Variants in POLN observed in about 807,000 individuals in gnomAD.
POLN encodes DNA polymerase N.
In POLN, 108 loss-of-function variants were observed where a neutral mutation model predicts 113.5. The ratio of observed to expected loss-of-function variants is 0.95; its 90% confidence interval spans 0.81 to 1.12. The LOEUF is 1.12. POLN is among the 50% of genes most tolerant of loss of function. POLN has a pLI of 0.00. For missense variants in POLN, 1,097 were observed against 1,077.1 expected (o/e 1.02, Z -0.26); for synonymous variants, 386 against 391.5 (o/e 0.99, Z 0.17).
intron 19 of POLN, among the ~76,000 whole-genome samples, chr4:2,113,917 T>G (rs1030214448): frequency 6.7e-6 from 1 of 149,558 alleles, no homozygotes; most frequent in Non-Finnish European, 1.5e-5. Context: ...CTTTTTTTTT[T>G]GACACAGATT....
intron 3 of POLN, among the ~76,000 whole-genome samples, chr4:2,221,213 C>T (rs1437737970): frequency 6.6e-6 from 1 of 152,156 alleles, no homozygotes; most frequent in Non-Finnish European, 1.5e-5. Flanking sequence ...TCTCAGCTCC[C>T]TGCAACCTCC....
intron 7 of POLN, among the ~76,000 whole-genome samples, chr4:2,179,871 C>T (rs934446482): frequency 6.6e-6 from 1 of 152,250 alleles, no homozygotes; most frequent in Non-Finnish European, 1.5e-5. Flanking sequence ...TGCCCTCCTC[C>T]AGCCTGTCAC....
chr4:2,088,783 T>A (rs545574011), intron 20 of POLN: 2 of 1,334,118 alleles, frequency 1.5e-6, no homozygotes, highest in Non-Finnish European at 2.1e-6. Context: ...TGAAGTCAAA[T>A]GGTATTATCG....
intron 7 of POLN, among the ~76,000 whole-genome samples, chr4:2,182,593 A>C (rs1002185150): frequency 3.3e-5 from 5 of 152,308 alleles, no homozygotes; most frequent in East Asian, 1.9e-4. Context: ...TTAAGCACTT[A>C]GTTTATGGTA....
chr4:2,159,920 G>A (rs1419371502), intron 13 of POLN, among the ~76,000 whole-genome samples: 1 of 152,062 alleles, frequency 6.6e-6, no homozygotes, highest in East Asian at 1.9e-4. Flanking sequence ...TCCACCTTAG[G>A]GCTATTATGA....
At chr4:2,147,374 G>A (rs745652534) in intron 16 of POLN, among the ~76,000 whole-genome samples, 5 of 152,170 alleles carry the variant, frequency 3.3e-5, no homozygotes, top group South Asian at 2.1e-4. Context: ...GGAGGCCTTC[G>A]TAAAAAATGA....
chr4:2,239,023 C>T, intron 2 of POLN: 1 of 1,533,516 alleles, frequency 6.5e-7, no homozygotes, highest in Non-Finnish European at 8.7e-7. Flanking sequence ...TTTTAGCATC[C>T]AAATTTTCTT....
At chr4:2,115,260 GT>G (rs1004262841) in intron 19 of POLN, among the ~76,000 whole-genome samples, 2 of 149,224 alleles carry the variant, frequency 1.3e-5, no homozygotes, top group African/African-American at 4.9e-5. Context: ...TAGAGATGGG[GT>G]TTCACCATGT....
chr4:2,241,874 C>T (rs1735002382), intron 1 of POLN, 84 bp from the exon 2 acceptor site: 3 of 985,534 alleles, frequency 3.0e-6, no homozygotes, highest in Non-Finnish European at 3.6e-6. Flanking sequence ...CGCACAGCCC[C>T]CGCCCCAGCT....
chr4:2,198,835 A>G (rs1733644424), intron 5 of POLN, 118 bp from the exon 6 acceptor site: 1 of 1,012,172 alleles, frequency 9.9e-7, no homozygotes, highest in African/African-American at 1.6e-5. Flanking sequence ...TTGTAAATGA[A>G]TAGTTTTTTA....
At chr4:2,089,715 A>G in intron 20 of POLN, 1 of 673,422 alleles carries the variant, frequency 1.5e-6, no homozygotes, top group Non-Finnish European at 2.5e-6. Context: ...TACTTTGAAT[A>G]TATGAAGAAT....
chr4:2,079,499 T>C lies in POLN; in HGVS notation c.2387+1459A>G, dbSNP rs528108864. On this transcript the variant is annotated intron_variant, in intron 23 of 25. Coordinates refer to ENST00000511885, the MANE Select transcript of POLN (RefSeq NM_181808.4). ...ATGGGTGAACACGTGTATGGGTGCA[T>C]GTGCTTGTGTGTGCGTGTGTGTGCA... The C allele has an allele frequency of 2.1e-5, 21 of 985,686 alleles. No homozygotes were observed. The African/African-American group carries it at 3.3e-4, about 16-fold the overall frequency. The allele number at this position is 985,686 out of a possible 1,614,324, so 61.1% of individuals were successfully genotyped here. A position where few individuals can be genotyped will look rare whatever the true frequency, so the allele number is the denominator to read the frequency against.
At chr4:2,198,921 A>C (rs186089619) in intron 5 of POLN, among the ~76,000 whole-genome samples, 8 of 152,224 alleles carry the variant, frequency 5.3e-5, no homozygotes, top group Non-Finnish European at 1.5e-5. Context: ...CAACATCATA[A>C]TGGAAGTCTC....
In POLN at chr4:2,126,564, G is replaced by C. The variant is rs745896950; in HGVS notation, c.1982+1549C>G. On this transcript the variant is annotated intron_variant, in intron 19 of 25. Transcript: ENST00000511885. This position sits in a 1 kb window ranked among gnomAD's most constrained non-coding sequence, Gnocchi z 4.6. ...GTGCATCGGACCAGAGAGGAGCAGA[G>C]ACCAGAGAGGAGCGGAGACCAGAGA... is the stretch of plus-strand genomic sequence containing the variant. Among the ~76,000 whole-genome samples, 4 of 152,168 alleles carry C rather than the reference G, an allele frequency of 2.6e-5. No homozygotes were observed. The highest frequency in any genetic ancestry group is 5.9e-5 in the Non-Finnish European group (4 of 68,016).
intron 16 of POLN, among the ~76,000 whole-genome samples, chr4:2,136,633 A>T (rs1379383550): frequency 6.6e-6 from 1 of 152,258 alleles, no homozygotes; most frequent in Non-Finnish European, 1.5e-5. Context: ...AAATCTCAGT[A>T]GCTGTTAGTG....
At chr4:2,081,219 C>T in intron 22 of POLN, 183 bp from the exon 23 acceptor site, 2 of 1,545,404 alleles carry the variant, frequency 1.3e-6, no homozygotes, top group Non-Finnish European at 1.7e-6. Context: ...CTCCCGCCCT[C>T]TTGCTCCTGC....
At chr4:2,095,356 A>G (rs1012879912) in intron 20 of POLN, among the ~76,000 whole-genome samples, 16 of 152,088 alleles carry the variant, frequency 1.1e-4, no homozygotes, top group African/African-American at 3.4e-4. Flanking sequence ...TTGGACCCCT[A>G]CTGCTCTGCT....
intron 5 of POLN, 69 bp downstream of exon 5, chr4:2,207,918 C>G: frequency 1.3e-6 from 2 of 1,494,212 alleles, no homozygotes; most frequent in South Asian, 1.4e-5. Flanking sequence ...CTATCAAAAT[C>G]TGACACTAAG....
At chr4:2,206,016 G>T (rs1482773036) in intron 5 of POLN, among the ~76,000 whole-genome samples, 1 of 152,064 alleles carries the variant, frequency 6.6e-6, no homozygotes, top group African/African-American at 2.4e-5. Flanking sequence ...TAAGGCCATT[G>T]TTACCAAAAC....
Sources: allele counts gnomAD v4.1 joint callset (sites outside exome capture counted in the v4.1 genomes callset), GRCh38; gene constraint gnomAD v4.1.1; non-coding constraint Gnocchi (gnomAD v3.1); transcripts MANE v1.5; gene names NCBI Gene and HGNC (gene_info 2026-07-23, HGNC 2026-07-21).